Variants in TET1 observed in about 807,000 individuals in gnomAD.
TET1 encodes the protein tet methylcytosine dioxygenase 1.
In TET1, 13 loss-of-function variants were observed where a neutral mutation model predicts 148.7. The observed-to-expected ratio is 0.09, with a 90% confidence interval of 0.06 to 0.14. The LOEUF (loss-of-function observed/expected upper bound fraction) is 0.14. Ranked by LOEUF, TET1 falls within the 10% of genes least tolerant of loss-of-function variation. TET1 has a pLI of 1.00. For synonymous variants in TET1, 907 were observed against 937.2 expected, an observed-to-expected ratio of 0.97 and a Z score of 0.59; for missense variants, 2,182 against 2,553.8, an observed-to-expected ratio of 0.85 and a Z score of 3.14.
chr10:68,691,375 A>T lies in TET1; in HGVS notation c.5972A>T (p.Asp1991Val). Residue 1991 changes from aspartate (D) to valine (V), a missense_variant, in exon 12 of 12, where the codon GAT (aspartate) becomes GTT (valine). Coordinates refer to ENST00000373644, the MANE Select transcript of TET1 (RefSeq NM_030625.3). The surrounding 1 kb of genome is among the most constrained non-coding windows in gnomAD (Gnocchi z 4.4). ...GCTGAGGAGAAATTGCCCCACATTG[A>T]TGAGTATTGGTCAGACAGTGAGCAC... is the stretch of plus-strand genomic sequence containing the variant. ...SPAEEKLPHI[D>V]EYWSDSEHIF... The T allele has an allele frequency of 6.2e-7, 1 of 1,614,140 alleles. No individual in the cohort carries two copies. The highest frequency in any genetic ancestry group is 8.5e-7 in the Non-Finnish European group (1 of 1,180,036).
rs771481993 is a variant in TET1 at position 68,624,602 on chromosome 10, CTCTTTCTTTCTTTCTTTCTT to C, written c.1969-20056_1969-20037del. 2.1e-4 allele frequency among the ~76,000 whole-genome samples: 24 copies of C among 113,950 alleles called. No individual in the cohort carries two copies. The South Asian group carries it at 2.4e-3, about 11-fold the overall frequency. 74.8% of individuals were successfully genotyped at this position (113,950 alleles called of 152,430 possible). A position where few individuals can be genotyped will look rare whatever the true frequency, so the allele number is the denominator to read the frequency against. On this transcript the variant is annotated intron_variant, in intron 3 of 11. Transcript: ENST00000373644. ...CCGTGCCTGGCCTTATTTTCTTTTTCTCTTTCTTTCTTTCTTTCTTTCTTTCTTTCTTTCTTTCTTTCTTT... is the reference window on the plus strand; with the variant it reads ...CCGTGCCTGGCCTTATTTTCTTTTTCTCTTTCTTTCTTTCTTTCTTTCTTT...
At chr10:68,628,917 A>G (rs2054528061) in intron 3 of TET1, among the ~76,000 whole-genome samples, 1 of 152,212 alleles carries the variant, frequency 6.6e-6, no homozygotes, top group Non-Finnish European at 1.5e-5. Flanking sequence ...ACTGCAGTCT[A>G]ATGTTTGAAA....
chr10:68,618,818 CT>C (rs1301838637), intron 3 of TET1, among the ~76,000 whole-genome samples: 1 of 152,020 alleles, frequency 6.6e-6, no homozygotes, highest in Non-Finnish European at 1.5e-5. Flanking sequence ...AAAAGGAAAT[CT>C]GGGCCTGGCC....
intron 2 of TET1, 143 bp downstream of exon 2, chr10:68,574,395 C>G: frequency 2.8e-6 from 2 of 705,072 alleles, no homozygotes; most frequent in Non-Finnish European, 4.6e-6. Context: ...TACAATGTTA[C>G]TTTAAGTTAT....
chr10:68,612,091 T>G (rs2054224149), intron 3 of TET1, among the ~76,000 whole-genome samples: 1 of 149,890 alleles, frequency 6.7e-6, no homozygotes, highest in South Asian at 2.1e-4. Context: ...TGTTGTTGTT[T>G]TCTTTTTTTT....
At chr10:68,616,240 T>G (rs992058761) in intron 3 of TET1, among the ~76,000 whole-genome samples, 3 of 150,416 alleles carry the variant, frequency 2.0e-5, no homozygotes, top group African/African-American at 7.3e-5. Context: ...CAGACGCTCA[T>G]TATGCATTGC....
rs191555874 is a variant in TET1 at position 68,666,388 on chromosome 10, A to G, written c.4462-657A>G. ...TATATTAATTCTCGATAGTAAAATG[A>G]GTCACCCAAAGGAAAAGCCATAACA... is the stretch of plus-strand genomic sequence containing the variant. On this transcript the variant is annotated intron_variant, in intron 6 of 11. Coordinates refer to ENST00000373644, the MANE Select transcript of TET1 (RefSeq NM_030625.3). Among the ~76,000 whole-genome samples the G allele has an allele frequency of 5.3e-5, 8 of 152,324 alleles. No homozygotes were observed. In the East Asian group the frequency reaches 1.5e-3, roughly 29 times the overall value.
At chr10:68,676,185 G>A (rs1425070257) in intron 8 of TET1, among the ~76,000 whole-genome samples, 1 of 138,478 alleles carries the variant, frequency 7.2e-6, no homozygotes, top group African/African-American at 2.9e-5. Flanking sequence ...GTGTGTGTGT[G>A]TATACACAAG....
intron 1 of TET1, among the ~76,000 whole-genome samples, chr10:68,562,561 A>G (rs2053565704): frequency 6.6e-6 from 1 of 152,170 alleles, no homozygotes; most frequent in Non-Finnish European, 1.5e-5. Context: ...TGTGGTTTCA[A>G]TTAAATTTCA....
chr10:68,593,432 T>TA (rs144742224), intron 2 of TET1, among the ~76,000 whole-genome samples: 44,057 of 151,620 alleles, frequency 0.29, 7,697 homozygotes, highest in Middle Eastern at 0.42. Context: ...AAAGTTTTTT[T>TA]AAAAAAATTT....
At chr10:68,655,400 C>T (rs546034762) in intron 6 of TET1, among the ~76,000 whole-genome samples, 32 of 152,244 alleles carry the variant, frequency 2.1e-4, no homozygotes, top group African/African-American at 7.2e-4. Context: ...CAATATCTGG[C>T]GCTGATAGTT....
rs552021771 is a variant in TET1 at position 68,646,720 on chromosome 10, C to G, written c.3991C>G (p.His1331Asp). 6.2e-7 allele frequency: 1 copy of G among 1,614,166 alleles called. No individual in the cohort carries two copies. Among genetic ancestry groups the G allele is most frequent in the South Asian group, 1.1e-5 (1 of 91,084 alleles). The change falls in exon 4 of 12, where the codon CAT (histidine) becomes GAT (aspartate). Residue 1331 changes from histidine (H) to aspartate (D), a missense_variant. His to Asp is a moderately conservative substitution (Grantham distance 81). This residue lies in a region of TET1 where 582 missense variants were observed against 599.5 expected (regional missense o/e 0.97). Coordinates refer to ENST00000373644, the MANE Select transcript of TET1 (RefSeq NM_030625.3). ...GCAGGTTGTTAAGGAGCAACTCATG[C>G]ATCAGAGACTGCCAACATTGCCTGG... Reference protein sequence around the residue: ...FQQVVKEQLMHQRLPTLPGIS... With the variant: ...FQQVVKEQLMDQRLPTLPGIS...
intron 6 of TET1, among the ~76,000 whole-genome samples, chr10:68,665,776 G>GA (rs1393816208): frequency 2.0e-5 from 3 of 152,030 alleles, no homozygotes; most frequent in African/African-American, 7.2e-5. Context: ...TATAAATATA[G>GA]AAAAAATTTT....
At chr10:68,575,112 GGT>G (rs1181772039) in intron 2 of TET1, among the ~76,000 whole-genome samples, 2 of 152,198 alleles carry the variant, frequency 1.3e-5, no homozygotes, top group African/African-American at 4.8e-5. Flanking sequence ...GGCCTGGTGT[GGT>G]GGCTTACGCC....
intron 11 of TET1, among the ~76,000 whole-genome samples, chr10:68,687,707 G>A (rs2055534072): frequency 6.6e-6 from 1 of 152,064 alleles, no homozygotes; most frequent in South Asian, 2.1e-4. Flanking sequence ...TCCCACCTCA[G>A]CCTCCCAAGT....
chr10:68,633,324 TTTTAA>T (rs779643880), intron 3 of TET1, among the ~76,000 whole-genome samples: 27 of 152,108 alleles, frequency 1.8e-4, no homozygotes, highest in Non-Finnish European at 3.7e-4. Context: ...TTGTATGGTC[TTTTAA>T]TTTGTTTTTT....
intron 2 of TET1, among the ~76,000 whole-genome samples, chr10:68,583,122 A>G (rs2053820362): frequency 1.3e-5 from 2 of 152,182 alleles, no homozygotes; most frequent in South Asian, 2.1e-4. Context: ...AATCCAAGTT[A>G]CACTGTGATG....
chr10:68,628,692 T>C (rs1213753504), intron 3 of TET1, among the ~76,000 whole-genome samples: 2 of 152,170 alleles, frequency 1.3e-5, no homozygotes, highest in Non-Finnish European at 2.9e-5. Context: ...ATGGGTGATT[T>C]TGGGGCTGCT....
At position 68,573,463 on chromosome 10, in the gene TET1, A is replaced by C; in HGVS notation, c.1125A>C (p.Gln375His). The C allele has an allele frequency of 6.2e-7, 1 of 1,614,074 alleles. No homozygotes were observed. Among genetic ancestry groups the C allele is most frequent in the East Asian group, 2.2e-5 (1 of 44,864 alleles). The stretch of plus-strand genomic sequence containing the variant: ...AGGCCTTTGGTGCTATCCCACATCA[A>C]TGGGAACTTCCTGGTGCTGACCCAG... ...LGQAFGAIPH[Q>H]WELPGADPVH... is the part of the protein sequence containing the mutation. The change falls in exon 2 of 12, where the codon CAA becomes CAC. Residue 375 changes from glutamine (Q) to histidine (H), a missense_variant. Around this residue, in one of 11 missense-constraint regions of TET1, gnomAD observed 665 missense variants for 672.4 expected, o/e 0.99. Coordinates refer to ENST00000373644, the MANE Select transcript of TET1 (RefSeq NM_030625.3).
Sources: allele counts gnomAD v4.1 joint callset (sites outside exome capture counted in the v4.1 genomes callset), GRCh38; gene constraint gnomAD v4.1.1; regional missense constraint gnomAD v4.1.1; non-coding constraint Gnocchi (gnomAD v3.1); transcripts MANE v1.5; gene names NCBI Gene and HGNC (gene_info 2026-07-23, HGNC 2026-07-21).